The following APBA2 variants were observed in gnomAD, a reference collection of about 807,000 sequenced individuals.
APBA2 encodes amyloid-beta A4 precursor protein-binding family A member 2.
A neutral mutation model predicts 75.0 loss-of-function variants in APBA2; 30 were observed. The ratio of observed to expected loss-of-function variants is 0.40; its 90% CI spans 0.30 to 0.54. The LOEUF is 0.54. APBA2 is among the 20% of genes least tolerant of loss of function. APBA2 has a pLI of 0.49. For missense variants in APBA2, 801 were observed against 1,016.1 expected, an observed-to-expected ratio of 0.79 and a Z score of 2.88; for synonymous variants, 444 against 409.6, an observed-to-expected ratio of 1.08 and a Z score of -1.01.
At chr15:28,915,775 TCCACACACACA>T (rs2033663237) in intron 1 of APBA2, among the ~76,000 whole-genome samples, 1 of 131,754 alleles carries the variant, frequency 7.6e-6, no homozygotes, top group Non-Finnish European at 1.6e-5. Flanking sequence ...TACATTACAC[TCCACACACACA>T]CCACACACAC....
At chr15:29,048,124 G>C (rs1212735522) in intron 3 of APBA2, among the ~76,000 whole-genome samples, 1 of 152,136 alleles carries the variant, frequency 6.6e-6, no homozygotes, top group Non-Finnish European at 1.5e-5. Context: ...CGAGGTGGCT[G>C]ATCACTTGAG....
intron 3 of APBA2, among the ~76,000 whole-genome samples, chr15:29,030,209 C>T (rs1179034775): frequency 2.0e-5 from 3 of 152,274 alleles, no homozygotes; most frequent in Admixed American, 6.5e-5. Context: ...CCTGTAATCC[C>T]AGCACTTTGG....
At chr15:28,934,987 C>T (rs897971709) in intron 2 of APBA2, among the ~76,000 whole-genome samples, 7 of 152,200 alleles carry the variant, frequency 4.6e-5, no homozygotes, top group African/African-American at 1.7e-4. Flanking sequence ...GTTCTCAGTG[C>T]TCCCATGGCA....
At chr15:28,974,440 G>A (rs189986991) in intron 2 of APBA2, among the ~76,000 whole-genome samples, 2 of 152,106 alleles carry the variant, frequency 1.3e-5, no homozygotes, top group Non-Finnish European at 1.5e-5. Context: ...CAAAACATAC[G>A]CCTCCAAATG....
intron 11 of APBA2, among the ~76,000 whole-genome samples, chr15:29,105,793 G>A (rs923995453): frequency 1.3e-5 from 2 of 152,178 alleles, no homozygotes; most frequent in East Asian, 3.9e-4. Flanking sequence ...TCGAAAATGC[G>A]CCTTTTAATG....
chr15:28,907,271 T>C (rs1263187059), intron 1 of APBA2, among the ~76,000 whole-genome samples: 1 of 152,222 alleles, frequency 6.6e-6, no homozygotes, highest in East Asian at 1.9e-4. Context: ...AGATTTGTCA[T>C]GGGTTAAGTT....
In APBA2 at chr15:29,117,870, G is replaced by C. The variant is rs3751555; in HGVS notation, c.*737G>C. On this transcript the variant is annotated 3_prime_UTR_variant, in exon 15 of 15. Transcript: ENST00000683413. ...CCCTCCCACCCGGCTGCATACCCGG[G>C]CAGGGCTCCCACAGAGACAAGGAGG... The C allele has an allele frequency of 0.63, 95,366 of 151,392 alleles. 35,543 individuals are homozygous for C. Among genetic ancestry groups the C allele is most frequent in the Middle Eastern group, 0.85 (250 of 294 alleles). The allele number at this position is 151,392 out of a possible 1,614,324, so 9.4% of individuals were successfully genotyped here.
chr15:29,049,997 T>A (rs1449080765), intron 3 of APBA2, among the ~76,000 whole-genome samples: 1 of 152,096 alleles, frequency 6.6e-6, no homozygotes, highest in Non-Finnish European at 1.5e-5. Flanking sequence ...GGGACTTGAT[T>A]CGGAAAGGGC....
At chr15:28,924,896 T>C (rs1380934387) in intron 2 of APBA2, among the ~76,000 whole-genome samples, 1 of 152,194 alleles carries the variant, frequency 6.6e-6, no homozygotes, top group Non-Finnish European at 1.5e-5. Context: ...AGGATTCTCA[T>C]TTTCCCCCAT....
At chr15:29,072,029 C>T (rs903214269) in intron 4 of APBA2, among the ~76,000 whole-genome samples, 34 of 152,238 alleles carry the variant, frequency 2.2e-4, no homozygotes, top group Admixed American at 1.6e-3. Context: ...AGCCCTAACC[C>T]GTGGTGGATG....
At chr15:28,929,999 T>C (rs552084787) in intron 2 of APBA2, among the ~76,000 whole-genome samples, 1 of 152,278 alleles carries the variant, frequency 6.6e-6, no homozygotes, top group African/African-American at 2.4e-5. Context: ...TGAGCAGTTA[T>C]TTACCTAGAG....
chr15:28,966,748 C>A (rs1034222015), intron 2 of APBA2, among the ~76,000 whole-genome samples: 3 of 152,008 alleles, frequency 2.0e-5, no homozygotes, highest in African/African-American at 4.8e-5. Flanking sequence ...TCCTCTGTTT[C>A]TTTTTCCTTG....
At chr15:29,038,925 G>T (rs932160725) in intron 3 of APBA2, among the ~76,000 whole-genome samples, 1 of 151,970 alleles carries the variant, frequency 6.6e-6, no homozygotes, top group Non-Finnish European at 1.5e-5. Flanking sequence ...GCCCGCCTTG[G>T]CCTCCCAAAG....
chr15:28,953,125 A>C (rs1441835381), intron 2 of APBA2, among the ~76,000 whole-genome samples: 1 of 152,106 alleles, frequency 6.6e-6, no homozygotes, highest in Non-Finnish European at 1.5e-5. Flanking sequence ...AGGAGTTTTG[A>C]TGAAATGAGG....
At chr15:28,911,725 C>G (rs568990843) in intron 1 of APBA2, among the ~76,000 whole-genome samples, 2 of 152,324 alleles carry the variant, frequency 1.3e-5, no homozygotes, top group African/African-American at 2.4e-5. Context: ...GGACAGTCCC[C>G]CCTTGGCTGT....
intron 6 of APBA2, among the ~76,000 whole-genome samples, chr15:29,084,724 T>A (rs768424557): frequency 6.6e-6 from 1 of 152,246 alleles, no homozygotes; most frequent in Non-Finnish European, 1.5e-5. Flanking sequence ...TTCTTTTATG[T>A]CTCTTTTAGG....
At chr15:29,103,956 G>A (rs1452290998) in intron 10 of APBA2, among the ~76,000 whole-genome samples, 1 of 152,246 alleles carries the variant, frequency 6.6e-6, no homozygotes, top group Non-Finnish European at 1.5e-5. Context: ...CGCGCCTCCA[G>A]CTGGGTCTGT....
intron 1 of APBA2, among the ~76,000 whole-genome samples, chr15:28,889,402 C>A (rs2031980740): frequency 6.6e-6 from 1 of 152,240 alleles, no homozygotes; most frequent in East Asian, 1.9e-4. Context: ...CTGTGGGGTA[C>A]TCCTGACTCT....
chr15:28,900,159 C>T (rs1382347796), intron 1 of APBA2, among the ~76,000 whole-genome samples: 3 of 152,148 alleles, frequency 2.0e-5, no homozygotes, highest in African/African-American at 4.8e-5. Context: ...CCCTGCGCCC[C>T]GTGGGTCCTC....
Sources: allele counts gnomAD v4.1 joint callset (sites outside exome capture counted in the v4.1 genomes callset), GRCh38; gene constraint gnomAD v4.1.1; transcripts MANE v1.5; gene names NCBI Gene and HGNC (gene_info 2026-07-23, HGNC 2026-07-21).